The following DLG2 variants were observed in gnomAD, a reference collection of about 807,000 sequenced individuals.
DLG2 encodes the protein discs large MAGUK scaffold protein 2.
In DLG2, 45 loss-of-function variants were observed where a neutral mutation model predicts 132.5. The ratio of observed to expected loss-of-function variants is 0.34; its 90% CI spans 0.27 to 0.44. DLG2 has a LOEUF of 0.44. Among genes scored for constraint, DLG2 ranks in the 20% least tolerant of loss-of-function variants. The probability of loss-of-function intolerance (pLI) is 1.00; values close to 1 mark genes in which losing one functional copy is unlikely to be tolerated. For missense variants in DLG2, 1,045 were observed against 1,196.9 expected, an observed-to-expected ratio of 0.87 and a Z score of 1.87; for synonymous variants, 424 against 419.6, an observed-to-expected ratio of 1.01 and a Z score of -0.13.
intron 19 of DLG2, among the ~76,000 whole-genome samples, chr11:83,559,684 T>C (rs1401747871): frequency 6.6e-6 from 1 of 152,232 alleles, no homozygotes; most frequent in African/African-American, 2.4e-5. Flanking sequence ...CATGAGCCTA[T>C]AGTCTGACAC....
At chr11:84,481,105 T>C (rs955961491) in intron 7 of DLG2, among the ~76,000 whole-genome samples, 1 of 152,094 alleles carries the variant, frequency 6.6e-6, no homozygotes, top group African/African-American at 2.4e-5. Context: ...AAAGAGATAA[T>C]ATAGGAAAAT....
chr11:84,444,131 T>C (rs2099025666), intron 7 of DLG2, among the ~76,000 whole-genome samples: 1 of 152,102 alleles, frequency 6.6e-6, no homozygotes, highest in Admixed American at 6.5e-5. Flanking sequence ...CAACACTGCA[T>C]GTTCTCACTT....
intron 9 of DLG2, among the ~76,000 whole-genome samples, chr11:84,144,962 G>A (rs1400894209): frequency 1.3e-5 from 2 of 152,184 alleles, no homozygotes; most frequent in Non-Finnish European, 2.9e-5. Context: ...TTATTCAGAT[G>A]TTAGACCTCT....
intron 11 of DLG2, among the ~76,000 whole-genome samples, chr11:83,984,816 T>G: frequency 6.6e-6 from 1 of 152,184 alleles, no homozygotes; most frequent in East Asian, 1.9e-4. Context: ...CTTAAACATT[T>G]ATCATTTCTT....
chr11:83,633,098 C>A (rs563880030), intron 19 of DLG2, 113 bp downstream of exon 19: 3 of 851,260 alleles, frequency 3.5e-6, no homozygotes, highest in Admixed American at 2.0e-5. Context: ...CAGTAGTGTA[C>A]TGATGAAAGT....
chr11:83,950,738 C>G (rs1187343929), intron 14 of DLG2, among the ~76,000 whole-genome samples: 1 of 152,168 alleles, frequency 6.6e-6, no homozygotes, highest in Non-Finnish European at 1.5e-5. Flanking sequence ...ACAAGGAAGT[C>G]TTAGATACTA....
intron 7 of DLG2, among the ~76,000 whole-genome samples, chr11:84,489,581 G>C (rs765437858): frequency 6.6e-6 from 1 of 152,000 alleles, no homozygotes; most frequent in Non-Finnish European, 1.5e-5. Context: ...TACAAACCTA[G>C]CTCCTAATAA....
At chr11:84,023,386 A>G (rs1236563318) in intron 11 of DLG2, among the ~76,000 whole-genome samples, 1 of 152,184 alleles carries the variant, frequency 6.6e-6, no homozygotes, top group Non-Finnish European at 1.5e-5. Context: ...ACAAACCTAT[A>G]GATAATGTTG....
At chr11:83,958,552 A>G (rs2087553998) in intron 14 of DLG2, among the ~76,000 whole-genome samples, 2 of 152,308 alleles carry the variant, frequency 1.3e-5, no homozygotes, top group African/African-American at 2.4e-5. Context: ...TATCACATTC[A>G]TAACTTGGGA....
At chr11:85,057,207 ATAAT>A (rs200564628) in intron 6 of DLG2, among the ~76,000 whole-genome samples, 2,947 of 151,812 alleles carry the variant, frequency 0.019, 48 homozygotes, top group Admixed American at 0.04. Context: ...AAGGAAGAAG[ATAAT>A]TAAGATGAAA....
intron 11 of DLG2, among the ~76,000 whole-genome samples, chr11:84,014,118 T>A (rs911784819): frequency 6.6e-6 from 1 of 152,126 alleles, no homozygotes; most frequent in African/African-American, 2.4e-5. Flanking sequence ...AACCCATTTA[T>A]CTCCCTTTAA....
intron 3 of DLG2, among the ~76,000 whole-genome samples, chr11:85,304,023 T>C (rs180983665): frequency 6.6e-6 from 1 of 152,166 alleles, no homozygotes; most frequent in Non-Finnish European, 1.5e-5. Flanking sequence ...TCAGACCTTT[T>C]TGTCAAACAA....
At chr11:83,723,711 C>T (rs752496086) in intron 18 of DLG2, among the ~76,000 whole-genome samples, 1 of 152,038 alleles carries the variant, frequency 6.6e-6, no homozygotes, top group African/African-American at 2.4e-5. Flanking sequence ...CAAAAATTAG[C>T]CAGGCATGGT....
chr11:84,197,277 C>T (rs2096534265), intron 8 of DLG2, among the ~76,000 whole-genome samples: 1 of 152,016 alleles, frequency 6.6e-6, no homozygotes, highest in Admixed American at 6.6e-5. Flanking sequence ...CCTAATGACT[C>T]TTACATTATG....
intron 7 of DLG2, among the ~76,000 whole-genome samples, chr11:84,395,688 G>T (rs1257931235): frequency 6.6e-6 from 1 of 152,284 alleles, no homozygotes; most frequent in East Asian, 1.9e-4. Context: ...TACTTTGAAG[G>T]AATTAATTTT....
chr11:83,585,840 C>T (rs550436898), intron 19 of DLG2, among the ~76,000 whole-genome samples: 5 of 151,862 alleles, frequency 3.3e-5, no homozygotes, highest in East Asian at 3.9e-4. Context: ...TGAAAATACA[C>T]GAGAACAAGG....
intron 11 of DLG2, among the ~76,000 whole-genome samples, chr11:84,013,434 G>A (rs890189780): frequency 1.3e-5 from 2 of 152,166 alleles, no homozygotes; most frequent in Non-Finnish European, 2.9e-5. Context: ...TCAGTGAGAA[G>A]TGCTATATTT....
intron 18 of DLG2, among the ~76,000 whole-genome samples, chr11:83,706,053 C>A (rs1307426097): frequency 6.6e-6 from 1 of 152,016 alleles, no homozygotes; most frequent in African/African-American, 2.4e-5. Context: ...CCCGTCTCTA[C>A]TAAAAATACA....
At chr11:85,394,273 C>T (rs781482413) in intron 3 of DLG2, among the ~76,000 whole-genome samples, 7 of 152,106 alleles carry the variant, frequency 4.6e-5, no homozygotes, top group Non-Finnish European at 5.9e-5. Context: ...TAAATCAACA[C>T]ATCATGTGGT....
Sources: allele counts gnomAD v4.1 joint callset (sites outside exome capture counted in the v4.1 genomes callset), GRCh38; gene constraint gnomAD v4.1.1; transcripts MANE v1.5; gene names NCBI Gene and HGNC (gene_info 2026-07-23, HGNC 2026-07-21).